PIK3C2G: variants seen among roughly 807,000 people sequenced by gnomAD.
PIK3C2G encodes phosphatidylinositol-4-phosphate 3-kinase catalytic subunit type 2 gamma, also known as phosphatidylinositol 3-kinase C2 domain-containing subunit gamma.
PIK3C2G carries 168 observed loss-of-function variants against 181.1 expected under a neutral mutation model. The observed-to-expected ratio is 0.93, with a 90% CI of 0.82 to 1.05. The LOEUF is 1.05. Ranked by LOEUF, PIK3C2G falls within the 50% of genes least tolerant of loss-of-function variation. PIK3C2G has a pLI of 0.00. For synonymous variants in PIK3C2G, 573 were observed against 592.2 expected, an observed-to-expected ratio of 0.97 and a Z score of 0.47; for missense variants, 1,869 against 1,732.8, an observed-to-expected ratio of 1.08 and a Z score of -1.40.
chr12:18,391,517 T>C (rs1454360792), intron 15 of PIK3C2G, among the ~76,000 whole-genome samples: 1 of 152,060 alleles, frequency 6.6e-6, no homozygotes, highest in Non-Finnish European at 1.5e-5. Flanking sequence ...AAGCAGAGAG[T>C]GATCATATAT....
rs145047170 is a variant in PIK3C2G at position 18,568,430 on chromosome 12, CAGAG to C, written c.4011+1379_4011+1382del. On this transcript the variant is annotated intron_variant, in intron 29 of 32. Coordinates refer to ENST00000538779, the MANE Select transcript of PIK3C2G (RefSeq NM_001288772.2). The stretch of plus-strand genomic sequence containing the variant: ...TGTGTGTGTCTGTGTGTGTGTGAGA[CAGAG>C]AGAGAAAGAAAAGAAGAAATTTGTT... Among the ~76,000 whole-genome samples, 806 of 149,178 alleles carry C rather than the reference CAGAG, an allele frequency of 5.4e-3. 5 individuals are homozygous for C. The highest frequency in any genetic ancestry group is 0.019 in the African/African-American group (770 of 40,434).
intron 13 of PIK3C2G, among the ~76,000 whole-genome samples, chr12:18,379,818 C>T (rs1489306297): frequency 1.3e-5 from 2 of 152,112 alleles, no homozygotes; most frequent in Admixed American, 1.3e-4. Flanking sequence ...CCAGTTGGCC[C>T]CAGGTTGGAT....
intron 5 of PIK3C2G, among the ~76,000 whole-genome samples, chr12:18,299,043 C>G (rs1565570935): frequency 6.6e-6 from 1 of 151,892 alleles, no homozygotes; most frequent in Admixed American, 6.6e-5. Flanking sequence ...CTCTTTTTTA[C>G]TTCCATACAA....
At chr12:18,355,615 C>T (rs977545314) in intron 11 of PIK3C2G, among the ~76,000 whole-genome samples, 4 of 152,076 alleles carry the variant, frequency 2.6e-5, no homozygotes, top group Non-Finnish European at 4.4e-5. Flanking sequence ...CAGCATGCAC[C>T]GCTAACTCCC....
intron 18 of PIK3C2G, among the ~76,000 whole-genome samples, chr12:18,446,028 T>C (rs1398302537): frequency 6.6e-6 from 1 of 152,190 alleles, no homozygotes; most frequent in African/African-American, 2.4e-5. Flanking sequence ...ATACATTGCC[T>C]ATTTAAAAGA....
At chr12:18,534,344 T>G (rs1232702070) in intron 24 of PIK3C2G, among the ~76,000 whole-genome samples, 1 of 152,032 alleles carries the variant, frequency 6.6e-6, no homozygotes, top group Non-Finnish European at 1.5e-5. Flanking sequence ...ATATATACAT[T>G]TTTAAACCAC....
At chr12:18,285,222 TA>T (rs1444031634) in intron 2 of PIK3C2G, 2 of 152,134 alleles carry the variant, frequency 1.3e-5, no homozygotes, top group African/African-American at 4.8e-5. Context: ...ATGACATTTT[TA>T]AATTCTTTAA....
chr12:18,709,714 C>A, the PIK3C2G span, among the ~76,000 whole-genome samples: 1 of 151,760 alleles, frequency 6.6e-6, no homozygotes, highest in Non-Finnish European at 1.5e-5. Flanking sequence ...ATACCACACC[C>A]CAAGGGAAAA....
chr12:18,252,858 T>C (rs1035853912), intron 1 of PIK3C2G, among the ~76,000 whole-genome samples: 5 of 152,190 alleles, frequency 3.3e-5, no homozygotes, highest in Non-Finnish European at 7.4e-5. Flanking sequence ...TTCCTGTTTC[T>C]GCTCTTTCCT....
At chr12:18,353,733 T>C (rs1186455361) in intron 11 of PIK3C2G, among the ~76,000 whole-genome samples, 1 of 152,188 alleles carries the variant, frequency 6.6e-6, no homozygotes, top group Non-Finnish European at 1.5e-5. Flanking sequence ...GCCTGAGTAA[T>C]AAATTTATCC....
intron 1 of PIK3C2G, among the ~76,000 whole-genome samples, chr12:18,274,007 T>C (rs1021913449): frequency 1.3e-5 from 2 of 152,090 alleles, no homozygotes; most frequent in Non-Finnish European, 2.9e-5. Flanking sequence ...GAACAGACAC[T>C]TCTTGAAAGA....
intron 18 of PIK3C2G, among the ~76,000 whole-genome samples, chr12:18,483,531 G>A (rs1388701505): frequency 1.1e-4 from 16 of 151,496 alleles, no homozygotes; most frequent in Admixed American, 9.8e-4. Flanking sequence ...TATGATCCAC[G>A]AAAAAAGACA....
chr12:18,314,161 CTTAA>C (rs1380969766), intron 6 of PIK3C2G, 97 bp downstream of exon 6: 3 of 622,100 alleles, frequency 4.8e-6, no homozygotes, highest in Non-Finnish European at 8.6e-6. Context: ...AATTATATAG[CTTAA>C]TTAATACATG....
chr12:18,259,177 A>T (rs1948178260), upstream of PIK3C2G, among the ~76,000 whole-genome samples: 1 of 152,098 alleles, frequency 6.6e-6, no homozygotes, highest in African/African-American at 2.4e-5. Flanking sequence ...CTTTTTCACC[A>T]CATTATAACC....
At chr12:18,281,268 C>CA (rs59791930) in intron 1 of PIK3C2G, among the ~76,000 whole-genome samples, 9,437 of 73,606 alleles carry the variant, frequency 0.13, 737 homozygotes, top group African/African-American at 0.2. Context: ...GCATAATAGG[C>CA]AAAAAAAAAA....
chr12:18,352,314 T>G (rs1211195439), intron 11 of PIK3C2G, among the ~76,000 whole-genome samples: 1 of 152,088 alleles, frequency 6.6e-6, no homozygotes, highest in Non-Finnish European at 1.5e-5. Flanking sequence ...GTTACTAGAG[T>G]TGATTCTGAA....
chr12:18,288,054 C>A (rs906314581), intron 3 of PIK3C2G, among the ~76,000 whole-genome samples: 1 of 150,836 alleles, frequency 6.6e-6, no homozygotes, highest in African/African-American at 2.4e-5. Flanking sequence ...CCCAGCTACT[C>A]GGGAGGCTGA....
rs975773223 is a variant in PIK3C2G at position 18,413,872 on chromosome 12, T to A, written c.2316-7069T>A. 2.5e-4 allele frequency among the ~76,000 whole-genome samples: 38 copies of A among 152,158 alleles called. 1 individual carries two copies. The highest frequency in any genetic ancestry group is 8.9e-4 in the African/African-American group (37 of 41,450). On this transcript the variant is annotated intron_variant, in intron 16 of 32. Coordinates refer to ENST00000538779, the MANE Select transcript of PIK3C2G (RefSeq NM_001288772.2). ...CATATGACATTTCAGTCTGTAAATA[T>A]CACACCAAAGTCAGAGAAATAATGC...
chr12:18,685,891 A>G, the PIK3C2G span, among the ~76,000 whole-genome samples: 5 of 135,832 alleles, frequency 3.7e-5, no homozygotes, highest in Non-Finnish European at 8.2e-5. Context: ...TGGATTAATT[A>G]TAAGAGAAAG....
Sources: allele counts gnomAD v4.1 joint callset (sites outside exome capture counted in the v4.1 genomes callset), GRCh38; gene constraint gnomAD v4.1.1; transcripts MANE v1.5; gene names NCBI Gene and HGNC (gene_info 2026-07-23, HGNC 2026-07-21).